Variants in NCOA2 observed in about 807,000 individuals in gnomAD.
NCOA2 encodes nuclear receptor coactivator 2.
In NCOA2, 21 loss-of-function variants were observed where a neutral mutation model predicts 145.1. The observed-to-expected ratio is 0.14, with a 90% CI of 0.10 to 0.21. The LOEUF (loss-of-function observed/expected upper bound fraction) is 0.21. Among genes scored for constraint, NCOA2 ranks in the 10% least tolerant of loss-of-function variants. The pLI, the probability that NCOA2 is intolerant of heterozygous loss-of-function variation, is 1.00. For synonymous variants in NCOA2, 619 were observed against 637.5 expected, an observed-to-expected ratio of 0.97 and a Z score of 0.44; for missense variants, 1,472 against 1,837.6, an observed-to-expected ratio of 0.80 and a Z score of 3.64.
chr8:70,328,471 C>A (rs896568358), intron 1 of NCOA2, among the ~76,000 whole-genome samples: 2 of 152,174 alleles, frequency 1.3e-5, no homozygotes, highest in Non-Finnish European at 2.9e-5. Context: ...CATTTACCAT[C>A]TTAAATTCCT....
chr8:70,435,579 G>A, the NCOA2 span, among the ~76,000 whole-genome samples: 1 of 151,504 alleles, frequency 6.6e-6, no homozygotes, highest in Non-Finnish European at 1.5e-5. Context: ...GTAAAATGGG[G>A]ATAATAATAG....
intron 22 of NCOA2, among the ~76,000 whole-genome samples, chr8:70,120,121 GT>G: frequency 6.6e-6 from 1 of 152,066 alleles, no homozygotes; most frequent in South Asian, 2.1e-4. Flanking sequence ...GGGATTATCT[GT>G]TTTATTCCTG....
chr8:70,148,178 T>C (rs1811318232), intron 12 of NCOA2, 95 bp downstream of exon 12: 2 of 1,259,024 alleles, frequency 1.6e-6, no homozygotes, highest in South Asian at 1.2e-5. Context: ...AACCTTAAAG[T>C]GACTAAGCTG....
At chr8:70,367,753 G>C (rs1270214053) in intron 1 of NCOA2, among the ~76,000 whole-genome samples, 7 of 152,038 alleles carry the variant, frequency 4.6e-5, no homozygotes, top group African/African-American at 1.7e-4. Flanking sequence ...CCACCACAAA[G>C]ACCCTACTAA....
Position 70,170,143 on chromosome 8 carries a change from A to T in NCOA2, c.541+59T>A. The T allele has an allele frequency of 2.7e-6, 4 of 1,491,430 alleles. No homozygotes were observed. The Admixed American group carries it at 7.3e-5, about 27-fold the overall frequency. The allele number at this position is 1,491,430 out of a possible 1,614,324, so 92.4% of individuals were successfully genotyped here. ...CCACTTCAACCAAGACACTGTGTGTATGAGGCAGGGCAGGTGGGGGTGACG... is the reference window on the plus strand; with the variant it reads ...CCACTTCAACCAAGACACTGTGTGTTTGAGGCAGGGCAGGTGGGGGTGACG... On this transcript the variant is annotated intron_variant, in intron 6 of 22. Transcript: ENST00000452400.
rs777644321 is a variant in NCOA2, at chr8:70,213,920, C to T, written c.242G>A (p.Arg81His). 2 of 1,598,122 alleles carry T rather than the reference C, an allele frequency of 1.3e-6. No individual in the cohort carries two copies. The highest frequency in any genetic ancestry group is 2.2e-5 in the East Asian group (1 of 44,624). ...CCTCTTACCTTGTTCTTTGATCTGA[C>T]GAATTTGCTTCACAGTTTCTTTTAA... Reference protein sequence around the residue: ...AILKETVKQIRQIKEQEKAAA... With the variant: ...AILKETVKQIHQIKEQEKAAA... The change falls in exon 4 of 23, where the codon CGT (arginine) becomes CAT (histidine). Residue 81 changes from arginine to histidine, a missense_variant. Arg to His is a conservative substitution (Grantham distance 29, BLOSUM62 0). Transcript: ENST00000452400.
At chr8:70,135,937 A>C (rs997526157) in intron 15 of NCOA2, among the ~76,000 whole-genome samples, 3 of 152,220 alleles carry the variant, frequency 2.0e-5, no homozygotes, top group African/African-American at 7.2e-5. Context: ...TTGATTGAGA[A>C]ACCATAACAT....
the NCOA2 span, among the ~76,000 whole-genome samples, chr8:70,410,243 T>C: frequency 6.6e-6 from 1 of 152,010 alleles, no homozygotes; most frequent in Non-Finnish European, 1.5e-5. Context: ...TATCAAATAC[T>C]GGGGAGAATG....
chr8:70,346,772 T>C (rs1051383431), intron 1 of NCOA2, among the ~76,000 whole-genome samples: 23 of 152,316 alleles, frequency 1.5e-4, no homozygotes, highest in African/African-American at 4.3e-4. Flanking sequence ...AGCTGTTAGG[T>C]TGCAGAGAAA....
chr8:70,398,913 C>T (rs1476960477), intron 1 of NCOA2, among the ~76,000 whole-genome samples: 3 of 152,196 alleles, frequency 2.0e-5, no homozygotes, highest in Admixed American at 2.0e-4. Flanking sequence ...GCCCTAAAAG[C>T]TAACAGTATT....
intron 2 of NCOA2, among the ~76,000 whole-genome samples, chr8:70,253,566 AAAAAC>A (rs896078050): frequency 9.9e-5 from 15 of 151,970 alleles, no homozygotes; most frequent in East Asian, 1.9e-4. Flanking sequence ...CCGCCCAGAA[AAAAAC>A]AAAACAAAAC....
intron 1 of NCOA2, among the ~76,000 whole-genome samples, chr8:70,297,301 T>A (rs1209744766): frequency 2.0e-5 from 3 of 152,218 alleles, no homozygotes. Context: ...AAGGCCTGAA[T>A]GACTAAATAA....
At chr8:70,372,570 A>T (rs1002428536) in intron 1 of NCOA2, among the ~76,000 whole-genome samples, 1 of 152,224 alleles carries the variant, frequency 6.6e-6, no homozygotes, top group African/African-American at 2.4e-5. Flanking sequence ...GGGGAACAGC[A>T]GAATTCATAC....
At chr8:70,264,228 G>A (rs1338776893) in intron 2 of NCOA2, among the ~76,000 whole-genome samples, 1 of 150,148 alleles carries the variant, frequency 6.7e-6, no homozygotes. Flanking sequence ...AAAAAAAAAA[G>A]GGGGATTGAC....
In NCOA2 at chr8:70,144,801, G is replaced by C. The variant is rs376918790; in HGVS notation, c.2653C>G (p.Gln885Glu). The C allele has an allele frequency of 1.4e-4, 224 of 1,613,814 alleles. No individual in the cohort carries two copies. The highest frequency in any genetic ancestry group is 1.2e-3 in the Middle Eastern group (7 of 6,084). Residue 885 changes from glutamine (Q) to glutamate (E), a missense_variant, in exon 13 of 23, where the codon CAG (glutamine) becomes GAG (glutamate). By Grantham distance (29) the Gln-to-Glu change is conservative (BLOSUM62 2). Transcript: ENST00000452400. ...PGQLGRLLPN[Q>E]NLPLDITLQS... ...AATGTGATGTCAAGTGGTAAATTCTGGTTTGGCAATAACCTGCCCAGTTGC... is the reference window on the plus strand; with the variant it reads ...AATGTGATGTCAAGTGGTAAATTCTCGTTTGGCAATAACCTGCCCAGTTGC...
chr8:70,363,079 TAAA>T (rs777122942), intron 1 of NCOA2, among the ~76,000 whole-genome samples: 4 of 99,796 alleles, frequency 4.0e-5, no homozygotes, highest in African/African-American at 8.2e-5. Context: ...ACTCTGTCTT[TAAA>T]AAAAAAAAAA....
At chr8:70,240,000 G>A (rs1257373976) in intron 2 of NCOA2, among the ~76,000 whole-genome samples, 1 of 152,106 alleles carries the variant, frequency 6.6e-6, no homozygotes, top group African/African-American at 2.4e-5. Flanking sequence ...AATCTCTTGT[G>A]CCCAATCCTT....
chr8:70,373,400 T>C (rs1259596208), intron 1 of NCOA2, among the ~76,000 whole-genome samples: 3 of 152,206 alleles, frequency 2.0e-5, no homozygotes, highest in Admixed American at 1.3e-4. Context: ...TTTTGAACAT[T>C]TTAAAAATCG....
chr8:70,204,521 T>G (rs1325747307), intron 4 of NCOA2, among the ~76,000 whole-genome samples: 2 of 152,222 alleles, frequency 1.3e-5, no homozygotes, highest in Non-Finnish European at 2.9e-5. Context: ...GTAATCCTTG[T>G]GCAAGGATGG....
Sources: gnomAD v4.1 joint callset for allele counts (sites outside exome capture counted in the v4.1 genomes callset) on GRCh38, gnomAD v4.1.1 for gene constraint, MANE v1.5 for transcripts, NCBI Gene and HGNC (gene_info 2026-07-23, HGNC 2026-07-21) for gene names.